The following ZRANB3 variants were observed in gnomAD, a reference collection of about 807,000 sequenced individuals.
The protein encoded by ZRANB3 is DNA annealing helicase and endonuclease ZRANB3.
In ZRANB3, 125 loss-of-function variants were observed where a neutral mutation model predicts 133.8. The ratio of observed to expected loss-of-function variants is 0.93; its 90% CI spans 0.81 to 1.08. The LOEUF (loss-of-function observed/expected upper bound fraction) is 1.08. Among genes scored for constraint, ZRANB3 ranks in the 50% least tolerant of loss-of-function variants. The probability of loss-of-function intolerance (pLI) is 0.00; values close to 1 mark genes in which losing one functional copy is unlikely to be tolerated. For missense variants in ZRANB3, 1,229 were observed against 1,275.5 expected, an observed-to-expected ratio of 0.96 and a Z score of 0.56; for synonymous variants, 387 against 432.7, an observed-to-expected ratio of 0.89 and a Z score of 1.31.
chr2:135,322,075 T>C (rs1212083705), intron 6 of ZRANB3, among the ~76,000 whole-genome samples: 1 of 152,206 alleles, frequency 6.6e-6, no homozygotes, highest in African/African-American at 2.4e-5. Flanking sequence ...ATGGTTTGGG[T>C]TTCTTCTTTT....
intron 12 of ZRANB3, among the ~76,000 whole-genome samples, chr2:135,262,172 A>C (rs1294214094): frequency 6.6e-6 from 1 of 151,130 alleles, no homozygotes; most frequent in Non-Finnish European, 1.5e-5. Flanking sequence ...AAAAAAAAAA[A>C]AAAAAAAACA....
chr2:135,394,914 T>C (rs1374108859), intron 2 of ZRANB3, among the ~76,000 whole-genome samples: 2 of 138,078 alleles, frequency 1.4e-5, no homozygotes, highest in African/African-American at 5.5e-5. Context: ...CGCAGGACTT[T>C]GAGATCAGCC....
chr2:135,233,861 G>A (rs989981951), intron 12 of ZRANB3, among the ~76,000 whole-genome samples: 70 of 152,214 alleles, frequency 4.6e-4, no homozygotes, highest in African/African-American at 1.6e-3. Flanking sequence ...AAAGACCATC[G>A]AGGCTAGGAA....
intron 2 of ZRANB3, among the ~76,000 whole-genome samples, chr2:135,499,517 T>C (rs1461805153): frequency 6.6e-6 from 1 of 151,544 alleles, no homozygotes; most frequent in African/African-American, 2.4e-5. Context: ...AAAAGGCAAA[T>C]AGACAATCCA....
intron 12 of ZRANB3, among the ~76,000 whole-genome samples, chr2:135,262,954 T>C (rs1432625272): frequency 6.6e-6 from 1 of 152,064 alleles, no homozygotes; most frequent in Admixed American, 6.6e-5. Flanking sequence ...ATTTTACATA[T>C]AGAAATGTAT....
chr2:135,361,482 A>G lies in ZRANB3; in HGVS notation c.181-7854T>C, dbSNP rs540644827. Among the ~76,000 whole-genome samples the G allele has an allele frequency of 4.6e-5, 7 of 152,388 alleles. No homozygotes were observed. In the South Asian group the frequency reaches 1.4e-3, roughly 32 times the overall value. The stretch of plus-strand genomic sequence containing the variant: ...GCAATTAAATAACAATTATCCTGAT[A>G]CATAAAATTTCAGTTTCACTTTTTT... On this transcript the variant is annotated intron_variant, in intron 3 of 20. Coordinates refer to ENST00000264159, the MANE Select transcript of ZRANB3 (RefSeq NM_032143.4).
intron 2 of ZRANB3, among the ~76,000 whole-genome samples, chr2:135,406,938 TC>T (rs1178075822): frequency 2.0e-5 from 3 of 152,032 alleles, no homozygotes; most frequent in Non-Finnish European, 4.4e-5. Context: ...CTCTCACCAC[TC>T]CTATTCAACA....
At chr2:135,428,209 G>A (rs563039656) in intron 2 of ZRANB3, among the ~76,000 whole-genome samples, 117 of 152,234 alleles carry the variant, frequency 7.7e-4, no homozygotes, top group African/African-American at 2.6e-3. Flanking sequence ...TTGCAAGTCA[G>A]AGGCAGGTGG....
intron 2 of ZRANB3, among the ~76,000 whole-genome samples, chr2:135,466,649 C>A (rs1311030013): frequency 6.6e-6 from 1 of 151,154 alleles, no homozygotes; most frequent in African/African-American, 2.4e-5. Context: ...TATAAGGATC[C>A]TTCAGCTTTA....
intron 6 of ZRANB3, among the ~76,000 whole-genome samples, chr2:135,340,294 T>TG (rs1440396246): frequency 6.6e-6 from 1 of 151,650 alleles, no homozygotes; most frequent in Non-Finnish European, 1.5e-5. Context: ...TTATTAGAGA[T>TG]GGGGTTTCAC....
At chr2:135,469,203 T>G (rs964307847) in intron 2 of ZRANB3, among the ~76,000 whole-genome samples, 2 of 151,818 alleles carry the variant, frequency 1.3e-5, no homozygotes, top group Non-Finnish European at 2.9e-5. Context: ...CAACACATCT[T>G]AATTAAAATT....
intron 12 of ZRANB3, among the ~76,000 whole-genome samples, chr2:135,248,225 T>A (rs1377739441): frequency 1.3e-5 from 2 of 152,302 alleles, no homozygotes; most frequent in East Asian, 3.9e-4. Flanking sequence ...GCTCATTGGG[T>A]AGGTCCTCCA....
chr2:135,508,564 T>C (rs984125731), intron 1 of ZRANB3, among the ~76,000 whole-genome samples: 2 of 152,042 alleles, frequency 1.3e-5, no homozygotes, highest in African/African-American at 2.4e-5. Flanking sequence ...ATTATGAAAA[T>C]GTACAGAAAA....
intron 12 of ZRANB3, among the ~76,000 whole-genome samples, chr2:135,245,947 A>AAAAAAAAAAAAAAAAAAAAAAAAAAAAAG (rs1553461041): frequency 6.9e-6 from 1 of 145,380 alleles, no homozygotes; most frequent in East Asian, 2.1e-4. Context: ...AAAAAAAAAA[A>AAAAAAAAAAAAAAAAAAAAAAAAAAAAAG]AGAGACAGGG....
At chr2:135,507,184 G>A (rs1559044378) in intron 1 of ZRANB3, among the ~76,000 whole-genome samples, 1 of 152,228 alleles carries the variant, frequency 6.6e-6, no homozygotes, top group Non-Finnish European at 1.5e-5. Context: ...TGGACCTAGA[G>A]TGATGGAGTT....
At chr2:135,441,018 T>G (rs988205738) in intron 2 of ZRANB3, among the ~76,000 whole-genome samples, 2 of 151,302 alleles carry the variant, frequency 1.3e-5, no homozygotes, top group Non-Finnish European at 2.9e-5. Flanking sequence ...ATTCATATAA[T>G]GGAAGGCCCA....
chr2:135,257,663 T>C (rs1049432810), intron 12 of ZRANB3, among the ~76,000 whole-genome samples: 1 of 152,250 alleles, frequency 6.6e-6, no homozygotes, highest in African/African-American at 2.4e-5. Flanking sequence ...TTGTATTTCA[T>C]ATAATCTTAA....
At chr2:135,325,848 A>G (rs1683788468) in intron 6 of ZRANB3, among the ~76,000 whole-genome samples, 1 of 152,214 alleles carries the variant, frequency 6.6e-6, no homozygotes, top group Admixed American at 6.5e-5. Flanking sequence ...ACATCACTAC[A>G]AAGGAGAATT....
intron 3 of ZRANB3, among the ~76,000 whole-genome samples, chr2:135,384,325 C>G (rs989036700): frequency 1.3e-5 from 2 of 152,196 alleles, no homozygotes; most frequent in Admixed American, 6.5e-5. Flanking sequence ...AGACCAATAA[C>G]AGGCTCTGAA....
Sources: gnomAD v4.1 joint callset for allele counts (sites outside exome capture counted in the v4.1 genomes callset) on GRCh38, gnomAD v4.1.1 for gene constraint, MANE v1.5 for transcripts, NCBI Gene and HGNC (gene_info 2026-07-23, HGNC 2026-07-21) for gene names.